XRCC5: variants seen among roughly 807,000 people sequenced by gnomAD.
XRCC5 encodes X-ray repair cross complementing 5, also known as DNA repair protein Ku80.
A neutral mutation model predicts 95.7 loss-of-function variants in XRCC5; 12 were observed. The ratio of observed to expected loss-of-function variants is 0.13; its 90% CI spans 0.08 to 0.20. The LOEUF (loss-of-function observed/expected upper bound fraction) is 0.20, where lower values mean the gene tolerates loss of function less well. Ranked by LOEUF, XRCC5 falls within the 10% of genes least tolerant of loss-of-function variation. The pLI, the probability that XRCC5 is intolerant of heterozygous loss-of-function variation, is 1.00. For synonymous variants in XRCC5, 281 were observed against 290.3 expected (o/e 0.97, Z 0.33); for missense variants, 595 against 873.9 (o/e 0.68, Z 4.02).
intron 1 of XRCC5, chr2:216,110,513 T>TG (rs1696566788): frequency 6.6e-6 from 1 of 152,344 alleles, no homozygotes; most frequent in Admixed American, 6.5e-5. Context: ...TTGTTGCAGA[T>TG]GAACTGGAAG....
At chr2:216,182,024 A>G (rs1204846334) in intron 16 of XRCC5, among the ~76,000 whole-genome samples, 1 of 152,180 alleles carries the variant, frequency 6.6e-6, no homozygotes, top group East Asian at 1.9e-4. Flanking sequence ...ATCACATAGA[A>G]TGTGGTCTTT....
At chr2:216,129,597 A>G (rs1696949197) in intron 8 of XRCC5, among the ~76,000 whole-genome samples, 2 of 152,358 alleles carry the variant, frequency 1.3e-5, no homozygotes, top group African/African-American at 2.4e-5. Flanking sequence ...ATCATGTGCC[A>G]TACATTTCCC....
In XRCC5 at chr2:216,205,477, A is replaced by G; in HGVS notation, c.*275A>G. On this transcript the variant is annotated 3_prime_UTR_variant, in exon 21 of 21. Transcript: ENST00000392132. ...GTGGTCTTACTGATCTTTGTATATT[A>G]CATACATGCTTTGAAGTTTCTGGAA... The G allele has an allele frequency of 2.1e-6, 1 of 466,652 alleles. No homozygotes were observed. Among genetic ancestry groups the G allele is most frequent in the Non-Finnish European group, 3.8e-6 (1 of 260,698 alleles). The allele number at this position is 466,652 out of a possible 1,614,324, so 28.9% of individuals were successfully genotyped here. A position where few individuals can be genotyped will look rare whatever the true frequency, so the allele number is the denominator to read the frequency against.
At chr2:216,125,261 G>C (rs899723426) in intron 6 of XRCC5, among the ~76,000 whole-genome samples, 1 of 150,570 alleles carries the variant, frequency 6.6e-6, no homozygotes, top group Admixed American at 6.6e-5. Flanking sequence ...GCAATGGCGC[G>C]ATCTCAGCTC....
intron 19 of XRCC5, among the ~76,000 whole-genome samples, chr2:216,196,218 T>TTAA (rs1359230567): frequency 3.5e-5 from 5 of 141,510 alleles, no homozygotes; most frequent in African/African-American, 1.3e-4. Flanking sequence ...AGATTTTTGT[T>TTAA]AAAAAAAAAA....
chr2:216,109,386 CG>C lies in XRCC5; in HGVS notation c.-49del. ...TGTCCACCGGAAGCGAGTTGCGACA[CG>C]GCAGGTTCCCGCCCGGAAGAAGCGA... On this transcript the variant is annotated 5_prime_UTR_variant, in exon 1 of 21. Transcript: ENST00000392132. The C allele has an allele frequency of 6.2e-7, 1 of 1,612,672 alleles. No homozygotes were observed.
At chr2:216,174,554 T>C (rs1176488680) in intron 16 of XRCC5, among the ~76,000 whole-genome samples, 2 of 152,206 alleles carry the variant, frequency 1.3e-5, no homozygotes, top group Non-Finnish European at 2.9e-5. Context: ...ATTCCTGTTA[T>C]CACTACCACA....
intron 18 of XRCC5, 147 bp downstream of exon 18, chr2:216,192,882 GAAATGCTCAGTGTTCGGTGAAC>G (rs1253221696): frequency 1.5e-5 from 8 of 538,218 alleles, no homozygotes; most frequent in Non-Finnish European, 1.8e-5. Flanking sequence ...ATGGCTTTGG[GAAATGCTCAGTGTTCGGTGAAC>G]TCAAACTCTC....
chr2:216,137,004 T>C lies in XRCC5; in HGVS notation c.1114-84T>C, dbSNP rs916431702. ...TAAAAAATGTAAAATAGAAAGAAAG[T>C]GATAACAGTCTTAAAGTATTGAGTT... On this transcript the variant is annotated intron_variant, in intron 10 of 20. Transcript: ENST00000392132. 2.8e-6 allele frequency: 4 copies of C among 1,451,854 alleles called. No homozygotes were observed. In the Admixed American group the frequency reaches 9.4e-5, roughly 34 times the overall value. 89.9% of individuals were successfully genotyped at this position (1,451,854 alleles called of 1,614,324 possible). A position where few individuals can be genotyped will look rare whatever the true frequency, so the allele number is the denominator to read the frequency against.
At chr2:216,136,270 C>G (rs1697072229) in intron 10 of XRCC5, among the ~76,000 whole-genome samples, 1 of 150,690 alleles carries the variant, frequency 6.6e-6, no homozygotes, top group South Asian at 2.1e-4. Context: ...GCAGGAAGAT[C>G]GCTTGAACCT....
intron 15 of XRCC5, among the ~76,000 whole-genome samples, 180 bp from the exon 16 acceptor site, chr2:216,161,799 C>T (rs1220556168): frequency 1.3e-5 from 2 of 152,226 alleles, no homozygotes; most frequent in Non-Finnish European, 2.9e-5. Context: ...TCTTGGACCA[C>T]TGAAATCTGC....
chr2:216,165,539 CTTGT>C (rs1017889315), intron 16 of XRCC5, among the ~76,000 whole-genome samples: 4 of 152,180 alleles, frequency 2.6e-5, no homozygotes, highest in South Asian at 2.1e-4. Flanking sequence ...TTTTGGGCAT[CTTGT>C]TTGTTTGTTT....
In XRCC5 at chr2:216,161,966, T is replaced by G. The variant is rs775538013; in HGVS notation, c.1765-13T>G. 6.2e-7 allele frequency: 1 copy of G among 1,612,722 alleles called. No individual in the cohort carries two copies. Among genetic ancestry groups the G allele is most frequent in the Non-Finnish European group, 8.5e-7 (1 of 1,178,716 alleles). On this transcript the variant is annotated splice_polypyrimidine_tract_variant and intron_variant, in intron 15 of 20. Transcript: ENST00000392132. ...AATAACCTGTAGGTTTATCATCTGT[T>G]GGTATATTTTAGGTTGGAAGTGTGA...
rs772645353 is a variant in XRCC5 at position 216,160,113 on chromosome 2, G to C, written c.1716G>C (p.Gly572=). 6.2e-7 allele frequency: 1 copy of C among 1,608,702 alleles called. No homozygotes were observed. Among genetic ancestry groups the C allele is most frequent in the African/African-American group, 1.3e-5 (1 of 74,672 alleles). ...CTAAAAAATTAAAGACTGAGCAAGG[G>C]GGAGCCCACTTCAGCGTCTCCAGTC... ...PTAKKLKTEQ[G]GAHFSVSSLA... is the part of the protein sequence containing the mutation. Residue 572 remains glycine, a synonymous_variant, in exon 15 of 21, where the codon GGG becomes GGC. Coordinates refer to ENST00000392132, the MANE Select transcript of XRCC5 (RefSeq NM_021141.4).
chr2:216,194,349 G>T (rs1023776754), intron 18 of XRCC5, among the ~76,000 whole-genome samples: 2 of 152,138 alleles, frequency 1.3e-5, no homozygotes, highest in African/African-American at 4.8e-5. Context: ...ACATTGAGGG[G>T]AATATAAAGA....
chr2:216,163,217 G>T (rs920913886), intron 16 of XRCC5, among the ~76,000 whole-genome samples: 2 of 151,226 alleles, frequency 1.3e-5, no homozygotes, highest in African/African-American at 4.9e-5. Context: ...TCACTATAAC[G>T]TTGGACCTCT....
In XRCC5 at chr2:216,155,399, A is replaced by G. The variant is rs185877997; in HGVS notation, c.1671-4669A>G. 2.0e-3 allele frequency among the ~76,000 whole-genome samples: 311 copies of G among 152,318 alleles called. 1 individual carries two copies. Among genetic ancestry groups the G allele is most frequent in the Non-Finnish European group, 2.1e-3 (141 of 68,028 alleles). On this transcript the variant is annotated intron_variant, in intron 14 of 20. Transcript: ENST00000392132. ...ACTCAGCTGGCTTACAAGTGTATGA[A>G]GAGATCTTCAATCTCAATTAGTAAT... is the stretch of plus-strand genomic sequence containing the variant.
chr2:216,199,943 C>T (rs1246786788), intron 19 of XRCC5, among the ~76,000 whole-genome samples: 2 of 150,294 alleles, frequency 1.3e-5, no homozygotes, highest in Non-Finnish European at 2.9e-5. Flanking sequence ...CCTAATTTAT[C>T]CTTCTTTATT....
At chr2:216,201,858 T>G (rs1016909691) in intron 19 of XRCC5, among the ~76,000 whole-genome samples, 1 of 152,168 alleles carries the variant, frequency 6.6e-6, no homozygotes, top group African/African-American at 2.4e-5. Context: ...AGGAGTGATA[T>G]GTGGAAGAGA....
Sources: allele counts gnomAD v4.1 joint callset (sites outside exome capture counted in the v4.1 genomes callset), GRCh38; gene constraint gnomAD v4.1.1; transcripts MANE v1.5; gene names NCBI Gene and HGNC (gene_info 2026-07-23, HGNC 2026-07-21).